The following AKT2 variants were observed in gnomAD, a reference collection of about 807,000 sequenced individuals.
AKT2 encodes the protein AKT serine/threonine kinase 2, also known as RAC-beta serine/threonine-protein kinase.
AKT2 carries 16 observed loss-of-function variants against 58.6 expected under a neutral mutation model. The ratio of observed to expected loss-of-function variants is 0.27; its 90% confidence interval spans 0.18 to 0.41. The LOEUF (loss-of-function observed/expected upper bound fraction) is 0.41. Ranked by LOEUF, AKT2 falls within the 10% of genes least tolerant of loss-of-function variation. AKT2 has a pLI of 1.00. For missense variants in AKT2, 438 were observed against 661.0 expected (o/e 0.66, Z 3.70); for synonymous variants, 253 against 254.0 (o/e 1.00, Z 0.04).
intron 1 of AKT2, among the ~76,000 whole-genome samples, chr19:40,271,021 GACAAACAA>G (rs144804672): frequency 5.4e-4 from 80 of 147,928 alleles, no homozygotes; most frequent in Non-Finnish European, 6.3e-4. Flanking sequence ...TCAAAAAACA[GACAAACAA>G]ACAAACAAAC....
intron 1 of AKT2, among the ~76,000 whole-genome samples, chr19:40,267,035 C>G (rs1415828912): frequency 4.6e-5 from 7 of 152,130 alleles, no homozygotes; most frequent in Non-Finnish European, 8.8e-5. Flanking sequence ...GTGACCATCT[C>G]TCCCCATCCT....
chr19:40,261,010 G>A (rs1975907428), intron 2 of AKT2, among the ~76,000 whole-genome samples: 1 of 152,368 alleles, frequency 6.6e-6, no homozygotes, highest in East Asian at 1.9e-4. Flanking sequence ...GGCCACATAT[G>A]ATTCCATTTA....
intron 1 of AKT2, among the ~76,000 whole-genome samples, chr19:40,272,495 C>T (rs931886097): frequency 6.6e-5 from 10 of 152,190 alleles, no homozygotes; most frequent in East Asian, 1.9e-4. Flanking sequence ...CGAAGGCTCG[C>T]GGCACGACAG....
chr19:40,236,434 G>C (rs772248604), intron 9 of AKT2, 49 bp from the exon 10 acceptor site: 2 of 1,612,668 alleles, frequency 1.2e-6, no homozygotes, highest in East Asian at 4.5e-5. Context: ...AAGGCTTCCT[G>C]CCACCCCAGC....
At chr19:40,277,846 T>C (rs961582347) in intron 1 of AKT2, among the ~76,000 whole-genome samples, 2 of 152,160 alleles carry the variant, frequency 1.3e-5, no homozygotes, top group African/African-American at 2.4e-5. Context: ...ACGTGGCACA[T>C]AGAAGTGATT....
rs79587599 is a variant in AKT2 at position 40,280,479 on chromosome 19, C to G, written c.-85+4702G>C. Among the ~76,000 whole-genome samples the G allele has an allele frequency of 4.1e-4, 62 of 152,282 alleles. 1 individual carries two copies. In the East Asian group the frequency reaches 0.012, roughly 29 times the overall value. ...AGTCAAATCTACCCACGCCCCCAGGCAGGAGCCTGTGACCGGCTCCTGGGT... is the reference window on the plus strand; with the variant it reads ...AGTCAAATCTACCCACGCCCCCAGGGAGGAGCCTGTGACCGGCTCCTGGGT... On this transcript the variant is annotated intron_variant, in intron 1 of 13. Transcript: ENST00000392038.
chr19:40,260,881 G>C (rs1055782392), intron 2 of AKT2, among the ~76,000 whole-genome samples: 2 of 152,182 alleles, frequency 1.3e-5, no homozygotes, highest in Non-Finnish European at 2.9e-5. Context: ...CCAGGAGGTT[G>C]AGGCTGCAGT....
In AKT2 at chr19:40,238,126, C is replaced by A. The variant is rs1455789415; in HGVS notation, c.709-35G>T. 2 of 1,565,238 alleles carry A rather than the reference C, an allele frequency of 1.3e-6. No individual in the cohort carries two copies. The highest frequency in any genetic ancestry group is 1.7e-6 in the Non-Finnish European group (2 of 1,155,450). On this transcript the variant is annotated intron_variant, in intron 8 of 13. Transcript: ENST00000392038. This position sits in a 1 kb window ranked among gnomAD's most constrained non-coding sequence, Gnocchi z 5.1. ...GAAGGGGTGGGGAGAGGAGGTCAGG[C>A]CCCAGCCCACCCACCTGCCCTCACC...
rs374756725 is a variant in AKT2 at position 40,236,091 on chromosome 19, T to C, written c.974A>G (p.Asn325Ser). Residue 325 changes from asparagine to serine, a missense_variant, in exon 11 of 14, where the codon AAT (asparagine) becomes AGT (serine). Coordinates refer to ENST00000392038, the MANE Select transcript of AKT2 (RefSeq NM_001626.6). ...EYLAPEVLED[N>S]DYGRAVDWWG... is the part of the protein sequence containing the mutation. ...CCAGTCCACGGCCCGGCCATAGTCA[T>C]TGTCCTCCAGCACCTGAGGATGGAG... The C allele has an allele frequency of 1.6e-5, 26 of 1,613,960 alleles. No homozygotes were observed. Among genetic ancestry groups the C allele is most frequent in the South Asian group, 3.3e-5 (3 of 91,088 alleles).
chr19:40,273,815 C>T (rs891137264), intron 1 of AKT2, among the ~76,000 whole-genome samples: 3 of 152,142 alleles, frequency 2.0e-5, no homozygotes, highest in East Asian at 1.9e-4. Context: ...CTGCAACCAG[C>T]GGGATCCTCC....
At chr19:40,274,530 G>A (rs2077273975) in intron 1 of AKT2, 1 of 163,340 alleles carries the variant, frequency 6.1e-6, no homozygotes, top group Non-Finnish European at 1.4e-5. Flanking sequence ...AAATTAGACA[G>A]GATAGCCAAA....
intron 4 of AKT2, among the ~76,000 whole-genome samples, chr19:40,254,546 G>A (rs1023570942): frequency 1.3e-5 from 2 of 151,342 alleles, no homozygotes; most frequent in Non-Finnish European, 2.9e-5. Flanking sequence ...AAAAAAAGGG[G>A]GTCAGGTGTG....
intron 9 of AKT2, chr19:40,236,632 T>C (rs1974048875): frequency 1.8e-6 from 1 of 561,086 alleles, no homozygotes; most frequent in African/African-American, 1.9e-5. Flanking sequence ...CCAGGCCCTG[T>C]CCACCCACCG....
At chr19:40,281,495 A>AGTTT (rs2077423413) in intron 1 of AKT2, among the ~76,000 whole-genome samples, 1 of 151,940 alleles carries the variant, frequency 6.6e-6, no homozygotes, top group Non-Finnish European at 1.5e-5. Context: ...CTGTCTCAAA[A>AGTTT]GAAAAAAAAA....
intron 6 of AKT2, 59 bp from the exon 7 acceptor site, chr19:40,240,169 C>G (rs754813232): frequency 2.5e-5 from 39 of 1,539,900 alleles, no homozygotes; most frequent in Non-Finnish European, 3.3e-5. Context: ...CCACTCCGCC[C>G]CGACGAAGGG....
rs1200500888 is a variant in AKT2 at position 40,234,841 on chromosome 19, A to C, written c.1366+204T>G. 1.5e-6 allele frequency: 1 copy of C among 661,910 alleles called. No homozygotes were observed. Among genetic ancestry groups the C allele is most frequent in the African/African-American group, 1.8e-5 (1 of 55,882 alleles). 41.0% of individuals were successfully genotyped at this position (661,910 alleles called of 1,614,324 possible). On this transcript the variant is annotated intron_variant, in intron 13 of 13. Transcript: ENST00000392038. The surrounding 1 kb of genome is among the most constrained non-coding windows in gnomAD (Gnocchi z 4.7). ...CCTGAGCCCCCCGACTGAGCTCCAG[A>C]ACGTGCTGCAGTCAATGGCTCCTGG...
rs7250121 is a variant in AKT2, at chr19:40,284,526, G to A, written c.-85+655C>T. Among the ~76,000 whole-genome samples, 477 of 152,096 alleles carry A rather than the reference G, an allele frequency of 3.1e-3. 3 individuals carry two copies. The highest frequency in any genetic ancestry group is 0.011 in the African/African-American group (451 of 41,468). On this transcript the variant is annotated intron_variant, in intron 1 of 13. Coordinates refer to ENST00000392038, the MANE Select transcript of AKT2 (RefSeq NM_001626.6). ...GCTGAGATCAGTGTAAACCCCCAAC[G>A]CCACACACGTCAAATACAGGAAACA... is the stretch of plus-strand genomic sequence containing the variant.
chr19:40,280,441 C>T (rs545228753), intron 1 of AKT2, among the ~76,000 whole-genome samples: 17 of 152,280 alleles, frequency 1.1e-4, no homozygotes, highest in African/African-American at 3.1e-4. Flanking sequence ...CTGTGAAACG[C>T]CCTGCTCCGC....
intron 4 of AKT2, among the ~76,000 whole-genome samples, chr19:40,248,516 C>A (rs1231817336): frequency 6.6e-6 from 1 of 152,192 alleles, no homozygotes; most frequent in Non-Finnish European, 1.5e-5. Flanking sequence ...AGGACCTGAA[C>A]AATGGCCATC....
Sources: gnomAD v4.1 joint callset for allele counts (sites outside exome capture counted in the v4.1 genomes callset) on GRCh38, gnomAD v4.1.1 for gene constraint, Gnocchi (gnomAD v3.1) non-coding constraint, MANE v1.5 for transcripts, NCBI Gene and HGNC (gene_info 2026-07-23, HGNC 2026-07-21) for gene names.